ADGRV1: variants seen among roughly 807,000 people sequenced by gnomAD.
The protein encoded by ADGRV1 is G-protein coupled receptor 98.
Under a neutral mutation model 596.2 loss-of-function variants are expected in ADGRV1, and 359 were observed. That is an observed-to-expected ratio of 0.60 (90% CI 0.55 to 0.66). ADGRV1 has a LOEUF of 0.66. Among genes scored for constraint, ADGRV1 ranks in the 30% least tolerant of loss-of-function variants. The pLI is 0.00. For synonymous variants in ADGRV1, 2,681 were observed against 2,679.2 expected (o/e 1.00, Z -0.02); for missense variants, 7,274 against 7,575.6 (o/e 0.96, Z 1.48).
In ADGRV1 at chr5:90,815,731, A is replaced by T. The variant is rs1471573575; in HGVS notation, c.16191A>T (p.Pro5397=). The T allele has an allele frequency of 6.7e-7, 1 of 1,493,354 alleles. No homozygotes were observed. Among genetic ancestry groups the T allele is most frequent in the Admixed American group, 1.9e-5 (1 of 51,938 alleles). The allele number at this position is 1,493,354 out of a possible 1,614,324, so 92.5% of individuals were successfully genotyped here. A position where few individuals can be genotyped will look rare whatever the true frequency, so the allele number is the denominator to read the frequency against. ...RRLHLIVTRQ[P]NRAFEDVKVF... The stretch of plus-strand genomic sequence containing the variant: ...TGCACCTTATTGTCACAAGACAGCC[A>T]AACAGGTATGTGTATATATAGTATA... The change falls in exon 75 of 90, where the codon CCA becomes CCT. Residue 5397 remains proline, a synonymous_variant. Coordinates refer to ENST00000405460, the MANE Select transcript of ADGRV1 (RefSeq NM_032119.4).
chr5:90,777,929 G>T lies in ADGRV1; in HGVS notation c.12552G>T (p.Leu4184Phe), dbSNP rs759475613. Residue 4184 changes from leucine to phenylalanine, a missense_variant, in exon 62 of 90, where the codon TTG becomes TTT. Transcript: ENST00000405460. Reference protein sequence around the residue: ...IISLVRGPGILGEVTVFWRIF... With the variant: ...IISLVRGPGIFGEVTVFWRIF... ...GCCTTGTTCGAGGCCCAGGGATTTT[G>T]GGGGAGGTCACAGTGTTCTGGAGGA... 21 of 1,611,718 alleles carry T rather than the reference G, an allele frequency of 1.3e-5. No individual in the cohort carries two copies. The highest frequency in any genetic ancestry group is 1.7e-5 in the Admixed American group (1 of 59,862).
At chr5:90,638,302 G>A (rs1766508717) in intron 11 of ADGRV1, among the ~76,000 whole-genome samples, 1 of 151,806 alleles carries the variant, frequency 6.6e-6, no homozygotes, top group East Asian at 1.9e-4. Context: ...CAGTTCTGCT[G>A]GCTTTATGTT....
chr5:90,910,991 T>C (rs569369088), intron 83 of ADGRV1, among the ~76,000 whole-genome samples: 19 of 152,308 alleles, frequency 1.2e-4, no homozygotes, highest in Non-Finnish European at 2.2e-4. Context: ...AGGAGGATGA[T>C]GTTAACCTAG....
intron 20 of ADGRV1, 37 bp downstream of exon 20, chr5:90,653,989 G>A (rs1393862895): frequency 1.3e-6 from 2 of 1,548,776 alleles, no homozygotes; most frequent in East Asian, 4.9e-5. Context: ...ACTGAAATTT[G>A]CAGTTTCTAA....
chr5:90,995,674 A>G (rs532469611), intron 85 of ADGRV1, among the ~76,000 whole-genome samples: 1 of 152,328 alleles, frequency 6.6e-6, no homozygotes, highest in South Asian at 2.1e-4. Context: ...GGCTCAGAAG[A>G]CATGAAGATG....
chr5:90,653,630 T>C lies in ADGRV1; in HGVS notation c.4056T>C (p.Ile1352=), dbSNP rs1403179844. The C allele has an allele frequency of 6.2e-7, 1 of 1,613,630 alleles. No individual in the cohort carries two copies. The highest frequency in any genetic ancestry group is 1.1e-5 in the South Asian group (1 of 90,994). ...ACCATCCCTCCAGGAATAATACAAT[T>C]GCCAACTTTACATTCTCAGCTTGGG... The part of the protein sequence containing the change: ...PKYHPSRNNT[I]ANFTFSAWVM... Residue 1352 remains isoleucine (I), a synonymous_variant, in exon 20 of 90, where the codon ATT becomes ATC. Coordinates refer to ENST00000405460, the MANE Select transcript of ADGRV1 (RefSeq NM_032119.4).
intron 75 of ADGRV1, among the ~76,000 whole-genome samples, chr5:90,819,310 T>G (rs1365216799): frequency 7.9e-5 from 12 of 151,636 alleles, no homozygotes; most frequent in East Asian, 3.8e-4. Flanking sequence ...CTCTCTTTTT[T>G]TCTTTATTAG....
intron 17 of ADGRV1, among the ~76,000 whole-genome samples, chr5:90,649,967 A>G (rs1312976876): frequency 6.6e-6 from 1 of 152,170 alleles, no homozygotes; most frequent in Non-Finnish European, 1.5e-5. Context: ...TGTCTTTAAT[A>G]TTTTTCCAGA....
chr5:91,028,394 T>C (rs1363494930), intron 85 of ADGRV1, among the ~76,000 whole-genome samples: 1 of 152,172 alleles, frequency 6.6e-6, no homozygotes, highest in East Asian at 1.9e-4. Context: ...TCTTGACTGA[T>C]TGCTTATTTA....
chr5:90,723,283 A>G (rs945329890), intron 45 of ADGRV1, among the ~76,000 whole-genome samples: 3 of 152,086 alleles, frequency 2.0e-5, no homozygotes, highest in Admixed American at 2.0e-4. Context: ...TTGCATGTTT[A>G]GTTTGGAGAG....
intron 9 of ADGRV1, 23 bp downstream of exon 9, chr5:90,629,562 C>T (rs1298000454): frequency 4.6e-6 from 7 of 1,527,268 alleles, no homozygotes; most frequent in East Asian, 4.5e-5. Context: ...TTAAAATAAT[C>T]GTAATTTTGG....
intron 38 of ADGRV1, among the ~76,000 whole-genome samples, chr5:90,708,116 C>T (rs973823479): frequency 6.6e-6 from 1 of 152,092 alleles, no homozygotes; most frequent in African/African-American, 2.4e-5. Context: ...CATAAATATA[C>T]ATACACATTG....
chr5:90,735,030 A>T (rs1753039698), intron 50 of ADGRV1, among the ~76,000 whole-genome samples: 1 of 152,060 alleles, frequency 6.6e-6, no homozygotes, highest in Non-Finnish European at 1.5e-5. Flanking sequence ...GAAACTTTTT[A>T]ATTTGATGCA....
At chr5:91,036,556 C>G (rs1369491837) in intron 85 of ADGRV1, among the ~76,000 whole-genome samples, 15 of 146,888 alleles carry the variant, frequency 1.0e-4, no homozygotes, top group Admixed American at 4.8e-4. Flanking sequence ...AGCGAGACTC[C>G]GTCTTAAAAA....
At chr5:90,941,199 T>A (rs890551627) in intron 83 of ADGRV1, among the ~76,000 whole-genome samples, 1 of 151,554 alleles carries the variant, frequency 6.6e-6, no homozygotes, top group African/African-American at 2.4e-5. Context: ...TTCAAAACGA[T>A]ATCTAGTTAC....
Position 90,647,882 on chromosome 5 carries a change from G to C in ADGRV1, c.3289+118G>C, listed in dbSNP as rs12186867. On this transcript the variant is annotated intron_variant, in intron 17 of 89. Coordinates refer to ENST00000405460, the MANE Select transcript of ADGRV1 (RefSeq NM_032119.4). ...GCCTAACTACATTTGTACTATTCAA[G>C]AGTAAAATTATTTCATTGCTTTCTT... is the stretch of plus-strand genomic sequence containing the variant. 9.5e-6 allele frequency: 8 copies of C among 845,300 alleles called. No individual in the cohort carries two copies. In the East Asian group the frequency reaches 2.0e-4, roughly 22 times the overall value. 52.4% of individuals were successfully genotyped at this position (845,300 alleles called of 1,614,324 possible). A position where few individuals can be genotyped will look rare whatever the true frequency, so the allele number is the denominator to read the frequency against.
intron 9 of ADGRV1, chr5:90,629,760 A>C (rs1361076135): frequency 2.5e-6 from 1 of 395,912 alleles, no homozygotes; most frequent in Non-Finnish European, 4.5e-6. Context: ...TATTTTAATT[A>C]AGTGACATTA....
intron 39 of ADGRV1, among the ~76,000 whole-genome samples, chr5:90,710,391 G>A (rs1413465666): frequency 6.6e-6 from 1 of 152,088 alleles, no homozygotes; most frequent in African/African-American, 2.4e-5. Context: ...TTAAGGTATT[G>A]GTAACATACT....
chr5:90,935,705 G>A (rs1775624389), intron 83 of ADGRV1, among the ~76,000 whole-genome samples: 1 of 152,156 alleles, frequency 6.6e-6, no homozygotes, highest in Non-Finnish European at 1.5e-5. Context: ...TATGTGTTCA[G>A]CACAATTAGG....
Sources: gnomAD v4.1 joint callset for allele counts (sites outside exome capture counted in the v4.1 genomes callset) on GRCh38, gnomAD v4.1.1 for gene constraint, MANE v1.5 for transcripts, NCBI Gene and HGNC (gene_info 2026-07-23, HGNC 2026-07-21) for gene names.